The following VWA3B variants were observed in gnomAD, a reference collection of about 807,000 sequenced individuals.
The protein encoded by VWA3B is von Willebrand factor A domain-containing protein 3B.
A neutral mutation model predicts 158.3 loss-of-function variants in VWA3B; 138 were observed. The ratio of observed to expected loss-of-function variants is 0.87; its 90% confidence interval spans 0.76 to 1.00. The LOEUF is 1.00. Ranked by LOEUF, VWA3B falls within the 50% of genes least tolerant of loss-of-function variation. The pLI is 0.00. For synonymous variants in VWA3B, 596 were observed against 587.3 expected, an observed-to-expected ratio of 1.01 and a Z score of -0.21; for missense variants, 1,555 against 1,565.1, an observed-to-expected ratio of 0.99 and a Z score of 0.11.
Position 98,217,881 on chromosome 2 carries a change from T to C in VWA3B, c.1872T>C (p.Phe624=), listed in dbSNP as rs1462585647. The part of the protein sequence containing the change: ...PETVIDQVKR[F]QEIPIYTISF... ...CAGTTATAGACCAGGTCAAACGTTT[T>C]CAGGAAATTCCTATTTATACCATCT... The change falls in exon 14 of 28, where the codon TTT becomes TTC. Residue 624 remains phenylalanine (F), a synonymous_variant. Transcript: ENST00000477737. 6.2e-7 allele frequency: 1 copy of C among 1,611,052 alleles called. No homozygotes were observed. The highest frequency in any genetic ancestry group is 1.7e-5 in the Admixed American group (1 of 59,724).
At chr2:98,251,271 A>G (rs2105804113) in intron 20 of VWA3B, among the ~76,000 whole-genome samples, 1 of 152,240 alleles carries the variant, frequency 6.6e-6, no homozygotes, top group Non-Finnish European at 1.5e-5. Flanking sequence ...GAGATCTGTA[A>G]AGTTTTCCTT....
intron 21 of VWA3B, among the ~76,000 whole-genome samples, chr2:98,256,688 T>C (rs1167082468): frequency 6.6e-6 from 1 of 152,190 alleles, no homozygotes; most frequent in Non-Finnish European, 1.5e-5. Flanking sequence ...TGTTTTCATT[T>C]CTCTTGGGTA....
chr2:98,242,721 C>T (rs1030716801), intron 19 of VWA3B, among the ~76,000 whole-genome samples: 7 of 146,672 alleles, frequency 4.8e-5, no homozygotes, highest in Non-Finnish European at 3.0e-5. Context: ...AGTGCACCCT[C>T]ATCATATACT....
At chr2:98,268,959 C>T (rs888752160) in intron 21 of VWA3B, among the ~76,000 whole-genome samples, 5 of 152,094 alleles carry the variant, frequency 3.3e-5, no homozygotes, top group Admixed American at 6.5e-5. Flanking sequence ...TGTTACCCAG[C>T]TCTGAAGTCA....
intron 19 of VWA3B, among the ~76,000 whole-genome samples, chr2:98,241,282 G>A (rs1686057470): frequency 6.6e-6 from 1 of 152,122 alleles, no homozygotes; most frequent in South Asian, 2.1e-4. Context: ...TGTGAGTGGA[G>A]AAGGTGATAA....
At chr2:98,089,372 G>T (rs1456721651) in intron 1 of VWA3B, among the ~76,000 whole-genome samples, 1 of 152,160 alleles carries the variant, frequency 6.6e-6, no homozygotes, top group African/African-American at 2.4e-5. Context: ...TTCCCAGGGA[G>T]GGGCTGCGGA....
At chr2:98,199,550 T>C (rs1682354881) in intron 12 of VWA3B, among the ~76,000 whole-genome samples, 2 of 152,196 alleles carry the variant, frequency 1.3e-5, no homozygotes, top group South Asian at 4.1e-4. Flanking sequence ...AGGCGACTCT[T>C]GCTCATGCAT....
chr2:98,204,923 C>T (rs1574073673), intron 12 of VWA3B, among the ~76,000 whole-genome samples: 1 of 152,088 alleles, frequency 6.6e-6, no homozygotes, highest in East Asian at 1.9e-4. Flanking sequence ...CCAGCCAGGC[C>T]AACATGGGAA....
chr2:98,128,112 G>T, intron 5 of VWA3B, 127 bp from the exon 6 acceptor site: 1 of 1,156,124 alleles, frequency 8.6e-7, no homozygotes, highest in Non-Finnish European at 1.2e-6. Flanking sequence ...AAAACCCTGG[G>T]CAGGGCTGCT....
intron 13 of VWA3B, among the ~76,000 whole-genome samples, chr2:98,216,063 G>A (rs993213432): frequency 6.6e-6 from 1 of 152,156 alleles, no homozygotes; most frequent in Non-Finnish European, 1.5e-5. Flanking sequence ...CAAATATTCA[G>A]CAGAATTTTC....
the VWA3B span, among the ~76,000 whole-genome samples, chr2:98,330,076 T>C: frequency 6.6e-6 from 1 of 152,206 alleles, no homozygotes; most frequent in African/African-American, 2.4e-5. Flanking sequence ...CTACAACATC[T>C]GGGACTGCTG....
intron 7 of VWA3B, among the ~76,000 whole-genome samples, chr2:98,152,259 A>G (rs1026628125): frequency 1.3e-5 from 2 of 152,234 alleles, no homozygotes; most frequent in African/African-American, 4.8e-5. Context: ...TGAGCTCAGT[A>G]AGAAGTGTAA....
At chr2:98,320,070 C>A in the VWA3B span, among the ~76,000 whole-genome samples, 1 of 152,122 alleles carries the variant, frequency 6.6e-6, no homozygotes, top group Non-Finnish European at 1.5e-5. Context: ...TCCCATAATT[C>A]CCATGTGTCA....
At chr2:98,310,273 G>C (rs1256748777) in intron 26 of VWA3B, among the ~76,000 whole-genome samples, 1 of 152,134 alleles carries the variant, frequency 6.6e-6, no homozygotes, top group African/African-American at 2.4e-5. Flanking sequence ...TTTCTGACAA[G>C]CTGCCAATGC....
Position 98,128,268 on chromosome 2 carries a change from G to T in VWA3B, c.732G>T (p.Gly244=), listed in dbSNP as rs777802494. The change falls in exon 6 of 28, where the codon GGG becomes GGT. Residue 244 remains glycine (G), a synonymous_variant. Transcript: ENST00000477737. ...AATCCATTTACTACTTTGTGGTGGGGGATGTTCCTGAAGAATCCAAGGAGC... is the reference window on the plus strand; with the variant it reads ...AATCCATTTACTACTTTGTGGTGGGTGATGTTCCTGAAGAATCCAAGGAGC... ...TIESIYYFVV[G]DVPEESKELL... The T allele has an allele frequency of 6.2e-7, 1 of 1,614,156 alleles. No homozygotes were observed. Among genetic ancestry groups the T allele is most frequent in the Non-Finnish European group, 8.5e-7 (1 of 1,180,010 alleles).
At chr2:98,329,040 G>C in the VWA3B span, among the ~76,000 whole-genome samples, 1 of 152,100 alleles carries the variant, frequency 6.6e-6, no homozygotes, top group Non-Finnish European at 1.5e-5. Flanking sequence ...ACACATATAT[G>C]GTCAACTGAT....
chr2:98,272,973 C>T (rs1020830324), intron 22 of VWA3B, among the ~76,000 whole-genome samples: 3 of 152,134 alleles, frequency 2.0e-5, no homozygotes, highest in South Asian at 4.1e-4. Context: ...CAGGTGCTGG[C>T]CCCTTAATCT....
intron 14 of VWA3B, among the ~76,000 whole-genome samples, chr2:98,221,428 T>C (rs533831850): frequency 1.3e-5 from 2 of 152,264 alleles, no homozygotes; most frequent in African/African-American, 4.8e-5. Context: ...TCCCCTCCCC[T>C]GGGATTTCAG....
At chr2:98,269,610 CATT>C (rs1439380059) in intron 21 of VWA3B, 1 of 152,202 alleles carries the variant, frequency 6.6e-6, no homozygotes, top group East Asian at 1.9e-4. Context: ...AATTGCATCA[CATT>C]GTTTTGGGGA....
Sources: allele counts gnomAD v4.1 joint callset (sites outside exome capture counted in the v4.1 genomes callset), GRCh38; gene constraint gnomAD v4.1.1; transcripts MANE v1.5; gene names NCBI Gene and HGNC (gene_info 2026-07-23, HGNC 2026-07-21).